The following PCDHA6 variants were observed in gnomAD, a reference collection of about 807,000 sequenced individuals.
The protein encoded by PCDHA6 is protocadherin alpha-6.
Under a neutral mutation model 60.3 loss-of-function variants are expected in PCDHA6, and 55 were observed. The observed-to-expected ratio is 0.91, with a 90% confidence interval of 0.73 to 1.14. The LOEUF (loss-of-function observed/expected upper bound fraction) is 1.14, where lower values mean the gene tolerates loss of function less well. Ranked by LOEUF, PCDHA6 falls within the 50% of genes most tolerant of loss-of-function variation. The pLI, the probability that PCDHA6 is intolerant of heterozygous loss-of-function variation, is 0.00. For synonymous variants in PCDHA6, 652 were observed against 557.9 expected, an observed-to-expected ratio of 1.17 and a Z score of -2.38; for missense variants, 1,327 against 1,256.5, an observed-to-expected ratio of 1.06 and a Z score of -0.85.
intron 1 of PCDHA6, among the ~76,000 whole-genome samples, chr5:140,913,995 A>T (rs541070374): frequency 6.6e-6 from 1 of 152,288 alleles, no homozygotes; most frequent in Admixed American, 6.5e-5. Context: ...TGTGACTAGC[A>T]TATGGTCTAT....
chr5:140,843,352 A>G (rs2150358043), intron 1 of PCDHA6: 1 of 1,596,016 alleles, frequency 6.3e-7, no homozygotes. Flanking sequence ...AGGCTCCAAA[A>G]GCGTCATCGA....
rs1286159283 is a variant in PCDHA6 at position 140,856,342 on chromosome 5, C to G, written c.2394+25857C>G. The G allele has an allele frequency of 5.6e-6, 9 of 1,598,384 alleles. 1 individual carries two copies. In the Admixed American group the frequency reaches 1.3e-4, roughly 24 times the overall value. On this transcript the variant is annotated intron_variant, in intron 1 of 3. Transcript: ENST00000529310. ...ACCGCGAGGAGCTGTGCGGGCGGAG[C>G]GTGGAGTGCAGCATCCACCTGGAGG...
In PCDHA6 at chr5:140,830,468, G is replaced by A; in HGVS notation, c.2377G>A (p.Glu793Lys). Residue 793 changes from glutamate (E) to lysine (K), a missense_variant, in exon 1 of 4, where the codon GAA becomes AAA. Physicochemically the swap from Glu to Lys is moderately conservative, Grantham distance 56. Coordinates refer to ENST00000529310, the MANE Select transcript of PCDHA6 (RefSeq NM_018909.4). ...MGKAENQDLN[E>K]DHDAKPRQPN... is the part of the protein sequence containing the mutation. ...TAAGGCGGAGAATCAGGATTTAAAT[G>A]AAGATCATGATGCCAAAGTAAGTGA... 1 of 1,571,084 alleles carries A rather than the reference G, an allele frequency of 6.4e-7. No individual in the cohort carries two copies. Among genetic ancestry groups the A allele is most frequent in the South Asian group, 1.2e-5 (1 of 84,446 alleles).
chr5:140,966,374 C>G (rs2095995934), intron 1 of PCDHA6: 1 of 405,056 alleles, frequency 2.5e-6, no homozygotes, highest in South Asian at 1.3e-4. Flanking sequence ...GCTGAGCAGT[C>G]CGGGTTCGCT....
intron 1 of PCDHA6, chr5:140,966,540 C>G (rs1477712677): frequency 4.3e-6 from 2 of 462,788 alleles, no homozygotes; most frequent in African/African-American, 2.0e-5. Flanking sequence ...TTGAGCGACT[C>G]GGAGGCGAGC....
intron 1 of PCDHA6, chr5:140,850,680 G>T: frequency 6.3e-7 from 1 of 1,598,518 alleles, no homozygotes; most frequent in Non-Finnish European, 8.6e-7. Flanking sequence ...GATGCCCACC[G>T]AGGGCGAGTG....
At chr5:140,838,881 C>A (rs2150293311) in intron 1 of PCDHA6, among the ~76,000 whole-genome samples, 1 of 151,836 alleles carries the variant, frequency 6.6e-6, no homozygotes, top group African/African-American at 2.4e-5. Flanking sequence ...TGCCACTGAA[C>A]TCCAGCCTAG....
chr5:140,881,220 G>A (rs1437715335), intron 1 of PCDHA6: 1 of 247,310 alleles, frequency 4.0e-6, no homozygotes, highest in Non-Finnish European at 6.5e-6. Context: ...TTGTTTCTTG[G>A]AAAATTAAAG....
At chr5:140,982,318 G>A (rs2096977750) in intron 2 of PCDHA6, 157 bp from the exon 3 acceptor site, 3 of 1,356,910 alleles carry the variant, frequency 2.2e-6, no homozygotes, top group Non-Finnish European at 2.9e-6. Context: ...AGTTTATGCA[G>A]GGTGACTGCT....
rs201435940 is a variant in PCDHA6, at chr5:140,871,358, A to G, written c.2394+40873A>G. On this transcript the variant is annotated intron_variant, in intron 1 of 3. Transcript: ENST00000529310. The stretch of plus-strand genomic sequence containing the variant: ...GTGGGGAGCTGGTCATACTCGCAGC[A>G]GAGGCGGCAGAGGGTGTGCTCTGAG... 13 of 1,614,208 alleles carry G rather than the reference A, an allele frequency of 8.1e-6. No homozygotes were observed. In the East Asian group the frequency reaches 2.9e-4, roughly 36 times the overall value.
intron 3 of PCDHA6, among the ~76,000 whole-genome samples, chr5:141,006,417 G>A (rs1010340395): frequency 6.6e-6 from 1 of 152,030 alleles, no homozygotes; most frequent in Admixed American, 6.6e-5. Flanking sequence ...GTTTCACTGT[G>A]TTAGCCAGGA....
At chr5:140,918,036 C>G (rs1423930397) in intron 1 of PCDHA6, among the ~76,000 whole-genome samples, 1 of 152,036 alleles carries the variant, frequency 6.6e-6, no homozygotes, top group Non-Finnish European at 1.5e-5. Flanking sequence ...CGTGGAAGGT[C>G]TTTCCATTTG....
chr5:140,849,905 G>T (rs373526467), intron 1 of PCDHA6: 1 of 1,598,310 alleles, frequency 6.3e-7, no homozygotes, highest in Non-Finnish European at 8.6e-7. Context: ...ACAACCCGCC[G>T]GGCTGCCACA....
At chr5:140,922,023 T>C (rs1333266712) in intron 1 of PCDHA6, among the ~76,000 whole-genome samples, 3 of 152,086 alleles carry the variant, frequency 2.0e-5, no homozygotes, top group African/African-American at 7.2e-5. Context: ...AAAATAAATA[T>C]AAAAAATGTA....
chr5:140,838,756 G>A (rs1775869518), intron 1 of PCDHA6, among the ~76,000 whole-genome samples: 1 of 151,874 alleles, frequency 6.6e-6, no homozygotes, highest in Non-Finnish European at 1.5e-5. Context: ...TGCATCTTTT[G>A]TAGAGACTTT....
Position 140,852,527 on chromosome 5 carries a change from C to T in PCDHA6, c.2394+22042C>T, listed in dbSNP as rs184052538. The T allele has an allele frequency of 1.0e-4, 41 of 393,270 alleles. 2 individuals are homozygous for T. Among genetic ancestry groups the T allele is most frequent in the African/African-American group, 6.6e-4 (30 of 45,558 alleles). 24.4% of individuals were successfully genotyped at this position (393,270 alleles called of 1,614,324 possible). A position where few individuals can be genotyped will look rare whatever the true frequency, so the allele number is the denominator to read the frequency against. On this transcript the variant is annotated intron_variant, in intron 1 of 3. Transcript: ENST00000529310. ...TCCTGACCTTGTGATGCTCCCACCT[C>T]GGCCTCCCAAAGTGCTGGGATTAAA...
intron 1 of PCDHA6, among the ~76,000 whole-genome samples, chr5:140,916,824 T>C (rs1207821220): frequency 6.6e-6 from 1 of 152,124 alleles, no homozygotes; most frequent in Non-Finnish European, 1.5e-5. Context: ...GCCACCCCTA[T>C]CCCTCTGGTT....
chr5:140,971,182 G>A (rs1158073557), intron 1 of PCDHA6, among the ~76,000 whole-genome samples: 7 of 152,110 alleles, frequency 4.6e-5, no homozygotes, highest in Admixed American at 1.3e-4. Flanking sequence ...GCTGTAAGCC[G>A]GAAGCTCAGA....
At chr5:140,961,887 G>GTTT (rs35680913) in intron 1 of PCDHA6, among the ~76,000 whole-genome samples, 3 of 143,936 alleles carry the variant, frequency 2.1e-5, no homozygotes, top group Non-Finnish European at 3.1e-5. Context: ...ACTTACATCA[G>GTTT]TTTTTTTTTT....
Sources: allele counts gnomAD v4.1 joint callset (sites outside exome capture counted in the v4.1 genomes callset), GRCh38; gene constraint gnomAD v4.1.1; transcripts MANE v1.5; gene names NCBI Gene and HGNC (gene_info 2026-07-23, HGNC 2026-07-21).